Variants in RANBP2 observed in about 807,000 individuals in gnomAD.
RANBP2 encodes the protein E3 SUMO-protein ligase RanBP2.
A neutral mutation model predicts 303.6 loss-of-function variants in RANBP2; 57 were observed. The ratio of observed to expected loss-of-function variants is 0.19; its 90% confidence interval spans 0.15 to 0.23. The LOEUF (loss-of-function observed/expected upper bound fraction) is 0.23, where lower values mean the gene tolerates loss of function less well. Ranked by LOEUF, RANBP2 falls within the 10% of genes least tolerant of loss-of-function variation. The pLI is 1.00. For synonymous variants in RANBP2, 1,167 were observed against 1,301.5 expected (o/e 0.90, Z 2.23); for missense variants, 3,138 against 3,780.8 (o/e 0.83, Z 4.46).
chr2:108,798,455 G>C, the RANBP2 span: 2 of 1,613,392 alleles, frequency 1.2e-6, no homozygotes, highest in Non-Finnish European at 1.7e-6. Flanking sequence ...ACAGAAATTT[G>C]CTGAAGAACT....
chr2:109,003,384 G>A, the RANBP2 span, among the ~76,000 whole-genome samples: 8 of 151,850 alleles, frequency 5.3e-5, no homozygotes, highest in African/African-American at 1.7e-4. Flanking sequence ...AATGATGGAC[G>A]GTTGTTGCCA....
At chr2:109,372,886 C>T in the RANBP2 span, among the ~76,000 whole-genome samples, 1 of 152,224 alleles carries the variant, frequency 6.6e-6, no homozygotes, top group Non-Finnish European at 1.5e-5. Context: ...TGTGCAGATA[C>T]TTAAAGATGT....
At chr2:108,811,484 C>G in the RANBP2 span, among the ~76,000 whole-genome samples, 2 of 151,950 alleles carry the variant, frequency 1.3e-5, no homozygotes, top group Non-Finnish European at 2.9e-5. Flanking sequence ...CTCAAGTGAT[C>G]CTCCTGCCTC....
chr2:109,122,863 C>A, the RANBP2 span, among the ~76,000 whole-genome samples: 35 of 152,174 alleles, frequency 2.3e-4, no homozygotes, highest in East Asian at 6.0e-3. Context: ...AGAGGGAGAC[C>A]CTGTTTCTTT....
chr2:109,429,320 A>C, the RANBP2 span, among the ~76,000 whole-genome samples: 2 of 152,178 alleles, frequency 1.3e-5, no homozygotes, highest in African/African-American at 4.8e-5. Flanking sequence ...CAGAGGAAAA[A>C]AAGTAGGCAG....
the RANBP2 span, among the ~76,000 whole-genome samples, chr2:109,308,001 T>C: frequency 7.0e-6 from 1 of 143,312 alleles, no homozygotes; most frequent in Non-Finnish European, 1.5e-5. Flanking sequence ...ATCGCCACAC[T>C]GACTTCCACA....
At chr2:108,888,343 T>A in the RANBP2 span, among the ~76,000 whole-genome samples, 6 of 152,268 alleles carry the variant, frequency 3.9e-5, no homozygotes, top group Admixed American at 1.3e-4. Context: ...TCTTGTTATG[T>A]CTTTGTCTGG....
chr2:109,029,797 C>T, the RANBP2 span, among the ~76,000 whole-genome samples: 3 of 152,202 alleles, frequency 2.0e-5, no homozygotes, highest in Admixed American at 1.3e-4. Flanking sequence ...TTGCCAGCAA[C>T]TTAAGCCTAA....
At chr2:109,237,351 A>T in the RANBP2 span, among the ~76,000 whole-genome samples, 37 of 152,346 alleles carry the variant, frequency 2.4e-4, no homozygotes, top group East Asian at 7.1e-3. Flanking sequence ...ACATTGAAAA[A>T]AAATGTTGTT....
chr2:108,929,016 C>T, the RANBP2 span, among the ~76,000 whole-genome samples: 50 of 152,348 alleles, frequency 3.3e-4, no homozygotes, highest in Non-Finnish European at 5.4e-4. Context: ...TGCCTGTCCA[C>T]CGGAGGGGCC....
the RANBP2 span, among the ~76,000 whole-genome samples, chr2:109,699,557 C>T: frequency 3.3e-5 from 5 of 151,024 alleles, no homozygotes; most frequent in Non-Finnish European, 7.4e-5. Flanking sequence ...CTAAGAAAAT[C>T]ATAAGGAAGA....
chr2:109,639,242 C>T, the RANBP2 span, among the ~76,000 whole-genome samples: 1 of 152,186 alleles, frequency 6.6e-6, no homozygotes, highest in African/African-American at 2.4e-5. Flanking sequence ...TTCTCTACCT[C>T]AGTAGATATT....
At chr2:109,627,291 G>A in the RANBP2 span, among the ~76,000 whole-genome samples, 1 of 152,206 alleles carries the variant, frequency 6.6e-6, no homozygotes, top group Non-Finnish European at 1.5e-5. Context: ...CTGCCTCCCG[G>A]GTTCAAGCGA....
chr2:109,239,856 C>T, the RANBP2 span, among the ~76,000 whole-genome samples: 22 of 152,278 alleles, frequency 1.4e-4, no homozygotes, highest in East Asian at 3.5e-3. Flanking sequence ...AATTTCCGAC[C>T]GTCTCCTTGG....
At chr2:109,333,575 G>T in the RANBP2 span, among the ~76,000 whole-genome samples, 2 of 152,202 alleles carry the variant, frequency 1.3e-5, no homozygotes, top group African/African-American at 4.8e-5. Flanking sequence ...TGGAATCTCT[G>T]GAGCTCTGGC....
At chr2:109,123,546 A>G in the RANBP2 span, among the ~76,000 whole-genome samples, 1 of 152,176 alleles carries the variant, frequency 6.6e-6, no homozygotes, top group Non-Finnish European at 1.5e-5. Context: ...CTTATTCATG[A>G]GCTCCAGGGT....
At chr2:109,170,724 T>C in the RANBP2 span, among the ~76,000 whole-genome samples, 1 of 152,170 alleles carries the variant, frequency 6.6e-6, no homozygotes, top group Non-Finnish European at 1.5e-5. Flanking sequence ...TAAATATTTG[T>C]TGGGCATTGA....
At chr2:109,714,439 C>T in the RANBP2 span, among the ~76,000 whole-genome samples, 1 of 150,806 alleles carries the variant, frequency 6.6e-6, no homozygotes, top group African/African-American at 2.4e-5. Context: ...GTAGCTGGGA[C>T]TACAGGCATG....
At chr2:108,791,935 G>T in the RANBP2 span, 1 of 898,986 alleles carries the variant, frequency 1.1e-6, no homozygotes. Flanking sequence ...CTGTAAGCTA[G>T]GAGATAGTTA....
Sources: gnomAD v4.1 joint callset for allele counts (sites outside exome capture counted in the v4.1 genomes callset) on GRCh38, gnomAD v4.1.1 for gene constraint, MANE v1.5 for transcripts, NCBI Gene and HGNC (gene_info 2026-07-23, HGNC 2026-07-21) for gene names.